Variants in DDX10 observed in about 807,000 individuals in gnomAD.
The protein encoded by DDX10 is probable ATP-dependent RNA helicase DDX10.
DDX10 carries 74 observed loss-of-function variants against 104.3 expected under a neutral mutation model. The observed-to-expected ratio is 0.71, with a 90% CI of 0.59 to 0.86. DDX10 has a LOEUF of 0.86. Ranked by LOEUF, DDX10 falls within the 40% of genes least tolerant of loss-of-function variation. The pLI is 0.00. For synonymous variants in DDX10, 351 were observed against 353.4 expected, an observed-to-expected ratio of 0.99 and a Z score of 0.08; for missense variants, 952 against 1,040.0, an observed-to-expected ratio of 0.92 and a Z score of 1.16.
At chr11:108,905,338 A>G (rs2134652365) in intron 16 of DDX10, among the ~76,000 whole-genome samples, 1 of 144,696 alleles carries the variant, frequency 6.9e-6, no homozygotes, top group South Asian at 2.2e-4. Flanking sequence ...AAATCCTGTG[A>G]TCCAGTCCCA....
intron 16 of DDX10, among the ~76,000 whole-genome samples, chr11:108,861,332 C>T (rs1862938577): frequency 6.6e-6 from 1 of 152,072 alleles, no homozygotes. Context: ...TTCTTTGCAC[C>T]TCTAAGTCCA....
chr11:108,768,146 A>G (rs922403795), intron 13 of DDX10: 6 of 152,212 alleles, frequency 3.9e-5, no homozygotes, highest in Non-Finnish European at 8.8e-5. Context: ...CTTCCAGTCA[A>G]CAGTAGGCTA....
At chr11:108,873,541 C>CT (rs919402288) in intron 16 of DDX10, among the ~76,000 whole-genome samples, 8 of 152,136 alleles carry the variant, frequency 5.3e-5, no homozygotes, top group African/African-American at 1.9e-4. Flanking sequence ...ATTGTTCTGC[C>CT]TGTCCCAAGC....
At chr11:108,874,966 T>C (rs1406971546) in intron 16 of DDX10, among the ~76,000 whole-genome samples, 2 of 152,154 alleles carry the variant, frequency 1.3e-5, no homozygotes, top group Non-Finnish European at 1.5e-5. Flanking sequence ...CCCATTTATA[T>C]AATGAAGGTA....
intron 17 of DDX10, chr11:108,920,050 T>C (rs993035385): frequency 6.6e-6 from 1 of 152,056 alleles, no homozygotes; most frequent in African/African-American, 2.4e-5. Context: ...CATATTTGAA[T>C]TGATTAATTG....
intron 16 of DDX10, among the ~76,000 whole-genome samples, chr11:108,855,486 G>A: frequency 6.6e-6 from 1 of 152,164 alleles, no homozygotes; most frequent in Non-Finnish European, 1.5e-5. Flanking sequence ...TTAAGATGGA[G>A]TCTCGCTCTG....
chr11:108,720,334 A>G (rs923474682), intron 12 of DDX10, among the ~76,000 whole-genome samples: 2 of 152,218 alleles, frequency 1.3e-5, no homozygotes, highest in Non-Finnish European at 1.5e-5. Flanking sequence ...GAAATCTTTA[A>G]GTGTCTATAG....
At chr11:108,727,102 CTGT>C (rs1309547288) in intron 13 of DDX10, among the ~76,000 whole-genome samples, 14 of 151,828 alleles carry the variant, frequency 9.2e-5, no homozygotes, top group Admixed American at 2.0e-4. Context: ...AAGGATCTTT[CTGT>C]TGTTGTGAGG....
intron 13 of DDX10, among the ~76,000 whole-genome samples, chr11:108,777,277 A>C (rs1196122696): frequency 6.6e-6 from 1 of 152,138 alleles, no homozygotes; most frequent in East Asian, 1.9e-4. Flanking sequence ...GCTAGAACTC[A>C]GTCTCCACGT....
At chr11:108,859,840 A>G (rs1208548909) in intron 16 of DDX10, among the ~76,000 whole-genome samples, 1 of 152,204 alleles carries the variant, frequency 6.6e-6, no homozygotes, top group Non-Finnish European at 1.5e-5. Context: ...GTGGAGACTG[A>G]TACTTAGGAT....
At chr11:108,886,780 C>T (rs1283541318) in intron 16 of DDX10, among the ~76,000 whole-genome samples, 4 of 152,110 alleles carry the variant, frequency 2.6e-5, no homozygotes, top group Non-Finnish European at 4.4e-5. Context: ...GTTCTTGTGT[C>T]GTTGTTTTCC....
At chr11:108,900,888 G>A (rs752573031) in intron 16 of DDX10, among the ~76,000 whole-genome samples, 73 of 152,160 alleles carry the variant, frequency 4.8e-4, no homozygotes, top group Non-Finnish European at 9.1e-4. Context: ...TACCTTGTAT[G>A]TGCCTACACA....
chr11:108,712,346 T>A (rs958811352), intron 10 of DDX10, among the ~76,000 whole-genome samples: 3 of 152,340 alleles, frequency 2.0e-5, no homozygotes, highest in Non-Finnish European at 4.4e-5. Flanking sequence ...CGTTACTGTT[T>A]TTTGTTAGTT....
At chr11:108,909,947 T>G (rs1043724378) in intron 16 of DDX10, among the ~76,000 whole-genome samples, 1 of 152,208 alleles carries the variant, frequency 6.6e-6, no homozygotes, top group Non-Finnish European at 1.5e-5. Flanking sequence ...TAAACAGGTG[T>G]CTTACATTAT....
chr11:108,736,527 C>T (rs1387545833), intron 13 of DDX10, among the ~76,000 whole-genome samples: 2 of 152,120 alleles, frequency 1.3e-5, no homozygotes, highest in Non-Finnish European at 2.9e-5. Flanking sequence ...AATGCATCTC[C>T]TCCAAAATTT....
At chr11:108,842,711 C>G (rs1862657793) in intron 15 of DDX10, among the ~76,000 whole-genome samples, 1 of 152,140 alleles carries the variant, frequency 6.6e-6, no homozygotes, top group African/African-American at 2.4e-5. Flanking sequence ...CATTGCTGCT[C>G]TTAGTGCAGC....
chr11:108,687,549 A>AT (rs925517738), intron 6 of DDX10, among the ~76,000 whole-genome samples: 56 of 151,898 alleles, frequency 3.7e-4, no homozygotes, highest in African/African-American at 1.3e-3. Flanking sequence ...TCATATGGTT[A>AT]TTTTTTTTAT....
At chr11:108,823,330 G>C (rs1862351272) in intron 13 of DDX10, among the ~76,000 whole-genome samples, 1 of 152,132 alleles carries the variant, frequency 6.6e-6, no homozygotes, top group South Asian at 2.1e-4. Flanking sequence ...TACTGCACAT[G>C]GTAGTTGTAA....
chr11:108,724,732 T>TA (rs2094302992), intron 13 of DDX10, among the ~76,000 whole-genome samples: 1 of 152,110 alleles, frequency 6.6e-6, no homozygotes, highest in South Asian at 2.1e-4. Flanking sequence ...GAAGGAATGA[T>TA]ATAGTTTTAT....
Sources: gnomAD v4.1 joint callset for allele counts (sites outside exome capture counted in the v4.1 genomes callset) on GRCh38, gnomAD v4.1.1 for gene constraint, MANE v1.5 for transcripts, NCBI Gene and HGNC (gene_info 2026-07-23, HGNC 2026-07-21) for gene names.